The following ZFHX3 variants were observed in gnomAD, a reference collection of about 807,000 sequenced individuals.
ZFHX3 encodes zinc finger homeobox protein 3.
In ZFHX3, 42 loss-of-function variants were observed where a neutral mutation model predicts 279.1. The observed-to-expected ratio is 0.15, with a 90% CI of 0.12 to 0.19. The LOEUF (loss-of-function observed/expected upper bound fraction) is 0.19. Ranked by LOEUF, ZFHX3 falls within the 10% of genes least tolerant of loss-of-function variation. The probability of loss-of-function intolerance (pLI) is 1.00; values close to 1 mark genes in which losing one functional copy is unlikely to be tolerated. For missense variants in ZFHX3, 4,981 were observed against 4,754.0 expected (o/e 1.05, Z -1.40); for synonymous variants, 2,293 against 1,957.8 (o/e 1.17, Z -4.52).
intron 1 of ZFHX3, among the ~76,000 whole-genome samples, chr16:73,008,523 C>A (rs1597084912): frequency 6.6e-6 from 1 of 152,146 alleles, no homozygotes; most frequent in Non-Finnish European, 1.5e-5. Context: ...TCTACAGACA[C>A]TCCTTGTAGA....
At position 72,785,329 on chromosome 16, in the gene ZFHX3, ACTG is replaced by A. The variant is rs1215057423; in HGVS notation, c.*1832_*1834del. Reference sequence around the variant, plus strand: ...ACAGTTCCTTTTTTGCTTTCTGTACACTGCTATCTGCTGCTTTGTTGGCTGCGC... The same window carrying A: ...ACAGTTCCTTTTTTGCTTTCTGTACACTATCTGCTGCTTTGTTGGCTGCGC... On this transcript the variant is annotated 3_prime_UTR_variant, in exon 10 of 10. Coordinates refer to ENST00000268489, the MANE Select transcript of ZFHX3 (RefSeq NM_006885.4). The A allele has an allele frequency of 6.6e-5, 10 of 152,624 alleles. No individual in the cohort carries two copies. Among genetic ancestry groups the A allele is most frequent in the Admixed American group, 5.2e-4 (8 of 15,288 alleles). The allele number at this position is 152,624 out of a possible 1,614,324, so 9.5% of individuals were successfully genotyped here. A position where few individuals can be genotyped will look rare whatever the true frequency, so the allele number is the denominator to read the frequency against.
At chr16:73,170,223 GTTTT>G (rs1156523996) in intron 5 of ZFHX3, among the ~76,000 whole-genome samples, 26 of 57,746 alleles carry the variant, frequency 4.5e-4, no homozygotes, top group Admixed American at 2.4e-3. Flanking sequence ...CCTTTCACTA[GTTTT>G]TTTTTTTTTT....
At chr16:72,919,563 GT>G (rs34441310) in intron 3 of ZFHX3, among the ~76,000 whole-genome samples, 8 of 150,072 alleles carry the variant, frequency 5.3e-5, no homozygotes, top group East Asian at 2.0e-4. Context: ...GATCTGTTTT[GT>G]TTTTTTTTAA....
At chr16:73,433,316 T>C (rs1182799603) in intron 3 of ZFHX3, among the ~76,000 whole-genome samples, 1 of 152,172 alleles carries the variant, frequency 6.6e-6, no homozygotes, top group East Asian at 1.9e-4. Context: ...TTCCCATTAG[T>C]CACTTGCTTG....
At chr16:73,574,535 A>G (rs769808707) in intron 2 of ZFHX3, among the ~76,000 whole-genome samples, 1 of 152,212 alleles carries the variant, frequency 6.6e-6, no homozygotes, top group Non-Finnish European at 1.5e-5. Context: ...AGAATTCCCC[A>G]GATGACCTGA....
At chr16:73,734,823 G>C (rs1212623657) in intron 1 of ZFHX3, among the ~76,000 whole-genome samples, 1 of 152,048 alleles carries the variant, frequency 6.6e-6, no homozygotes, top group Non-Finnish European at 1.5e-5. Flanking sequence ...TACAGTATGT[G>C]AATATGTACA....
intron 3 of ZFHX3, chr16:73,400,502 C>T (rs374491946): frequency 1.2e-4 from 19 of 152,342 alleles, no homozygotes; most frequent in African/African-American, 4.1e-4. Flanking sequence ...GTCAGTCTGA[C>T]TTCCTTCCCT....
intron 2 of ZFHX3, among the ~76,000 whole-genome samples, chr16:73,564,326 G>A (rs900114417): frequency 2.6e-5 from 4 of 152,166 alleles, no homozygotes; most frequent in African/African-American, 4.8e-5. Flanking sequence ...AGCTTCCGCC[G>A]ATTCCATGCT....
intron 5 of ZFHX3, among the ~76,000 whole-genome samples, chr16:73,248,664 T>TGC (rs2013384543): frequency 6.7e-6 from 1 of 150,004 alleles, no homozygotes; most frequent in African/African-American, 2.4e-5. Context: ...TGTGTGTGTG[T>TGC]GCACGTGCAC....
At chr16:72,929,436 T>G (rs1203359267) in intron 3 of ZFHX3, among the ~76,000 whole-genome samples, 1 of 152,160 alleles carries the variant, frequency 6.6e-6, no homozygotes, top group Non-Finnish European at 1.5e-5. Context: ...AAGTGTTTGA[T>G]CAGCTCCCTC....
At chr16:72,980,102 T>G (rs62053222) in intron 1 of ZFHX3, among the ~76,000 whole-genome samples, 1 of 152,130 alleles carries the variant, frequency 6.6e-6, no homozygotes, top group Non-Finnish European at 1.5e-5. Context: ...TTTCCACTGA[T>G]AGACAAGAAT....
intron 4 of ZFHX3, among the ~76,000 whole-genome samples, chr16:73,299,252 G>A (rs917970878): frequency 3.3e-5 from 5 of 152,012 alleles, no homozygotes; most frequent in African/African-American, 7.3e-5. Context: ...TATAGCATCC[G>A]AACATTGCTG....
chr16:73,670,032 G>A (rs986190141), intron 2 of ZFHX3, among the ~76,000 whole-genome samples: 8 of 152,108 alleles, frequency 5.3e-5, no homozygotes, highest in Admixed American at 2.6e-4. Flanking sequence ...CACCTGCAGC[G>A]ACACCAGGAA....
chr16:72,847,542 G>A (rs2037509776), intron 4 of ZFHX3, among the ~76,000 whole-genome samples: 1 of 151,866 alleles, frequency 6.6e-6, no homozygotes, highest in Non-Finnish European at 1.5e-5. Context: ...AGTGAGCCCG[G>A]AGCACCCCCA....
chr16:72,963,562 A>T (rs966031216), intron 1 of ZFHX3, among the ~76,000 whole-genome samples: 1 of 152,152 alleles, frequency 6.6e-6, no homozygotes, highest in Non-Finnish European at 1.5e-5. Context: ...TCATCTTCCA[A>T]GCTCCCTTGG....
intron 1 of ZFHX3, chr16:73,815,637 C>G (rs1474160841): frequency 6.6e-6 from 1 of 152,046 alleles, no homozygotes; most frequent in Non-Finnish European, 1.5e-5. Context: ...TCTCAGCTCA[C>G]TGCAACCTCC....
intron 3 of ZFHX3, among the ~76,000 whole-genome samples, chr16:72,933,290 G>A (rs775490847): frequency 4.6e-5 from 7 of 151,504 alleles, no homozygotes; most frequent in Middle Eastern, 3.4e-3. Flanking sequence ...TGTCTTCAGA[G>A]ACACAACAGA....
intron 1 of ZFHX3, among the ~76,000 whole-genome samples, chr16:73,860,984 A>ATTTT (rs34828290): frequency 1.1e-4 from 16 of 140,666 alleles, no homozygotes; most frequent in African/African-American, 3.7e-4. Flanking sequence ...TTTTTTGCAG[A>ATTTT]TTTTTTTTTT....
intron 1 of ZFHX3, among the ~76,000 whole-genome samples, chr16:73,690,115 C>T (rs1190154733): frequency 6.6e-6 from 1 of 152,148 alleles, no homozygotes; most frequent in Non-Finnish European, 1.5e-5. Flanking sequence ...TGGGGTTTCA[C>T]CATGTTGGCC....
Sources: gnomAD v4.1 joint callset for allele counts (sites outside exome capture counted in the v4.1 genomes callset) on GRCh38, gnomAD v4.1.1 for gene constraint, MANE v1.5 for transcripts, NCBI Gene and HGNC (gene_info 2026-07-23, HGNC 2026-07-21) for gene names.